Variants in SHISA9 observed in about 807,000 individuals in gnomAD.
SHISA9 encodes shisa family member 9.
Under a neutral mutation model 38.0 loss-of-function variants are expected in SHISA9, and 13 were observed. The observed-to-expected ratio is 0.34, with a 90% CI of 0.22 to 0.54. SHISA9 has a LOEUF of 0.54. Ranked by LOEUF, SHISA9 falls within the 20% of genes least tolerant of loss-of-function variation. The pLI, the probability that SHISA9 is intolerant of heterozygous loss-of-function variation, is 0.91. For missense variants in SHISA9, 538 were observed against 575.8 expected, an observed-to-expected ratio of 0.93 and a Z score of 0.67; for synonymous variants, 275 against 242.0, an observed-to-expected ratio of 1.14 and a Z score of -1.27.
chr16:13,151,251 C>T lies in SHISA9; in HGVS notation c.692-52143C>T, dbSNP rs368245558. On this transcript the variant is annotated intron_variant, in intron 2 of 4. Coordinates refer to ENST00000558583, the MANE Select transcript of SHISA9 (RefSeq NM_001145204.3). ...CCTCCTGAGGAGCTGGGATTTCAGG[C>T]GCCCGCCACCACACCTGGCTAATTT... Among the ~76,000 whole-genome samples the T allele has an allele frequency of 5.9e-5, 9 of 152,270 alleles. No individual in the cohort carries two copies. The South Asian group carries it at 8.3e-4, about 14-fold the overall frequency.
chr16:13,135,241 A>T (rs1389520665), intron 2 of SHISA9, among the ~76,000 whole-genome samples: 1 of 152,212 alleles, frequency 6.6e-6, no homozygotes, highest in East Asian at 1.9e-4. Flanking sequence ...CAGGTATGAA[A>T]CTGTCACACA....
chr16:13,098,180 C>G (rs1411199919), intron 2 of SHISA9, among the ~76,000 whole-genome samples: 1 of 152,144 alleles, frequency 6.6e-6, no homozygotes, highest in Non-Finnish European at 1.5e-5. Flanking sequence ...CATGTAAATC[C>G]TGGGATCAGA....
the SHISA9 span, among the ~76,000 whole-genome samples, chr16:13,263,007 T>C: frequency 2.0e-5 from 3 of 152,102 alleles, no homozygotes; most frequent in Admixed American, 6.5e-5. Context: ...ATCTAGACAA[T>C]AAGAAGCCTC....
intron 2 of SHISA9, among the ~76,000 whole-genome samples, chr16:13,068,985 A>G (rs541771779): frequency 6.6e-6 from 1 of 151,774 alleles, no homozygotes; most frequent in Non-Finnish European, 1.5e-5. Context: ...ATATGTGTGT[A>G]CATGCAATGT....
rs193259005 is a variant in SHISA9, at chr16:13,090,594, G to C, written c.692-112800G>C. ...CTCTTTTGATCTTTGTTGGTTTAAA[G>C]TCTGTTTTATGAGAGGCTAGGATTG... On this transcript the variant is annotated intron_variant, in intron 2 of 4. Coordinates refer to ENST00000558583, the MANE Select transcript of SHISA9 (RefSeq NM_001145204.3). Among the ~76,000 whole-genome samples, 337 of 152,268 alleles carry C rather than the reference G, an allele frequency of 2.2e-3. 2 individuals are homozygous for C. The highest frequency in any genetic ancestry group is 7.5e-3 in the African/African-American group (311 of 41,560).
intron 2 of SHISA9, among the ~76,000 whole-genome samples, chr16:13,155,889 T>C (rs2050542242): frequency 6.6e-6 from 1 of 151,598 alleles, no homozygotes; most frequent in African/African-American, 2.4e-5. Flanking sequence ...AATGAGGGAA[T>C]GTGCTTGGAA....
At chr16:13,517,680 C>T in the SHISA9 span, among the ~76,000 whole-genome samples, 1 of 152,136 alleles carries the variant, frequency 6.6e-6, no homozygotes, top group African/African-American at 2.4e-5. Flanking sequence ...GGTGGAAGTA[C>T]ATGGCATTAT....
the SHISA9 span, among the ~76,000 whole-genome samples, chr16:13,554,295 A>T: frequency 6.1e-5 from 7 of 115,178 alleles, no homozygotes; most frequent in Admixed American, 5.0e-4. Flanking sequence ...GTTGCTAGAG[A>T]TTAAAAAAAA....
intron 2 of SHISA9, among the ~76,000 whole-genome samples, chr16:13,033,218 G>T (rs1427321963): frequency 6.6e-6 from 1 of 152,120 alleles, no homozygotes; most frequent in African/African-American, 2.4e-5. Context: ...GTTAGGCTTG[G>T]GTGACATACC....
chr16:13,242,538 C>T (rs763631579), downstream of SHISA9, among the ~76,000 whole-genome samples: 8 of 152,110 alleles, frequency 5.3e-5, no homozygotes, highest in South Asian at 2.1e-4. Context: ...TCTCATCATC[C>T]GGCTTCATGT....
intron 2 of SHISA9, among the ~76,000 whole-genome samples, chr16:12,949,714 A>AT (rs1164135360): frequency 7.2e-5 from 11 of 152,154 alleles, no homozygotes; most frequent in Non-Finnish European, 1.2e-4. Context: ...AAGTTCACTT[A>AT]TTTTTTATAT....
chr16:13,367,703 C>CGTGCGCGCGT, the SHISA9 span, among the ~76,000 whole-genome samples: 1 of 120,746 alleles, frequency 8.3e-6, no homozygotes, highest in South Asian at 2.8e-4. Flanking sequence ...TGCGTGCGCG[C>CGTGCGCGCGT]GCGCGCGCGC....
the SHISA9 span, among the ~76,000 whole-genome samples, chr16:13,303,415 T>C: frequency 6.6e-6 from 1 of 152,148 alleles, no homozygotes; most frequent in African/African-American, 2.4e-5. Context: ...AAAAGGAATA[T>C]AATACCAGAA....
intron 3 of SHISA9, among the ~76,000 whole-genome samples, chr16:13,205,119 A>C (rs894982749): frequency 1.3e-5 from 2 of 152,286 alleles, no homozygotes; most frequent in Admixed American, 1.3e-4. Context: ...AGCAGGTAAA[A>C]TATAAGGATG....
chr16:13,415,121 C>T, the SHISA9 span, among the ~76,000 whole-genome samples: 1 of 152,188 alleles, frequency 6.6e-6, no homozygotes, highest in Non-Finnish European at 1.5e-5. Context: ...TACACCTCCA[C>T]TTGTTATAGT....
At chr16:13,229,081 G>A (rs1031041924) in intron 4 of SHISA9, among the ~76,000 whole-genome samples, 1 of 152,148 alleles carries the variant, frequency 6.6e-6, no homozygotes, top group Admixed American at 6.5e-5. Context: ...AATCACTTCA[G>A]CCCAGGAGGC....
intron 2 of SHISA9, among the ~76,000 whole-genome samples, chr16:12,944,161 T>C (rs1162793839): frequency 6.6e-6 from 1 of 152,176 alleles, no homozygotes; most frequent in African/African-American, 2.4e-5. Context: ...TGTATTAGAA[T>C]ATGACTTCCA....
the SHISA9 span, among the ~76,000 whole-genome samples, chr16:13,257,108 A>T: frequency 6.6e-6 from 1 of 152,162 alleles, no homozygotes; most frequent in African/African-American, 2.4e-5. Context: ...AGGAGCAGAG[A>T]TGAGAGTAGA....
chr16:13,426,803 T>C, the SHISA9 span, among the ~76,000 whole-genome samples: 1 of 152,214 alleles, frequency 6.6e-6, no homozygotes, highest in Non-Finnish European at 1.5e-5. Flanking sequence ...CGCAGTGTGG[T>C]TTATGAATGG....
Sources: gnomAD v4.1 joint callset for allele counts (sites outside exome capture counted in the v4.1 genomes callset) on GRCh38, gnomAD v4.1.1 for gene constraint, MANE v1.5 for transcripts, NCBI Gene and HGNC (gene_info 2026-07-23, HGNC 2026-07-21) for gene names.